NRXN3: variants seen among roughly 807,000 people sequenced by gnomAD.
The protein encoded by NRXN3 is neurexin III.
NRXN3 carries 32 observed loss-of-function variants against 137.6 expected under a neutral mutation model. That is an observed-to-expected ratio of 0.23 (90% CI 0.18 to 0.31). The LOEUF (loss-of-function observed/expected upper bound fraction) is 0.31. Ranked by LOEUF, NRXN3 falls within the 10% of genes least tolerant of loss-of-function variation. The probability of loss-of-function intolerance (pLI) is 1.00; values close to 1 mark genes in which losing one functional copy is unlikely to be tolerated. For synonymous variants in NRXN3, 798 were observed against 784.5 expected (o/e 1.02, Z -0.29); for missense variants, 1,574 against 2,062.5 (o/e 0.76, Z 4.59).
intron 16 of NRXN3, among the ~76,000 whole-genome samples, chr14:79,482,492 T>A (rs1454204325): frequency 1.3e-5 from 2 of 152,228 alleles, no homozygotes; most frequent in Non-Finnish European, 2.9e-5. Flanking sequence ...CACTATAGTT[T>A]GTTTTCAACA....
At chr14:79,475,037 G>A (rs2096548001) in intron 16 of NRXN3, among the ~76,000 whole-genome samples, 1 of 152,034 alleles carries the variant, frequency 6.6e-6, no homozygotes, top group Non-Finnish European at 1.5e-5. Flanking sequence ...CGGGGATAGA[G>A]CCCCCACAAA....
chr14:79,121,388 G>A (rs991559011), intron 15 of NRXN3, among the ~76,000 whole-genome samples: 1 of 152,168 alleles, frequency 6.6e-6, no homozygotes, highest in Non-Finnish European at 1.5e-5. Context: ...AATAAGTGAG[G>A]AATGAAATTT....
chr14:79,844,819 T>A (rs1290974805), intron 20 of NRXN3, among the ~76,000 whole-genome samples: 1 of 152,330 alleles, frequency 6.6e-6, no homozygotes, highest in African/African-American at 2.4e-5. Flanking sequence ...CTAGAGAATC[T>A]GCCTGTTCTT....
chr14:79,358,603 G>GAAA (rs1227282327), intron 15 of NRXN3, among the ~76,000 whole-genome samples: 4 of 87,036 alleles, frequency 4.6e-5, no homozygotes, highest in Admixed American at 1.5e-4. Flanking sequence ...AAGAAAGAAA[G>GAAA]AAAGAGAAAG....
intron 16 of NRXN3, among the ~76,000 whole-genome samples, chr14:79,523,404 T>C (rs2097088547): frequency 6.6e-6 from 1 of 152,140 alleles, no homozygotes; most frequent in Non-Finnish European, 1.5e-5. Flanking sequence ...GCAAGCTTTG[T>C]TTTGAAGATG....
intron 19 of NRXN3, among the ~76,000 whole-genome samples, chr14:79,769,984 A>G (rs2099071315): frequency 6.6e-6 from 1 of 152,156 alleles, no homozygotes; most frequent in Non-Finnish European, 1.5e-5. Context: ...CTAGTCTCTG[A>G]TAAAAGAGAC....
intron 15 of NRXN3, among the ~76,000 whole-genome samples, chr14:79,225,638 A>G (rs1407604898): frequency 6.6e-6 from 1 of 152,138 alleles, no homozygotes; most frequent in Non-Finnish European, 1.5e-5. Flanking sequence ...ACCCCCTGAA[A>G]GACATCAACA....
intron 15 of NRXN3, among the ~76,000 whole-genome samples, chr14:79,400,319 A>G (rs2095157747): frequency 6.6e-6 from 1 of 152,152 alleles, no homozygotes; most frequent in Non-Finnish European, 1.5e-5. Flanking sequence ...AGGTCCGACC[A>G]TTGCTATATT....
At chr14:78,845,905 G>GGGGTGT (rs371226331) in intron 10 of NRXN3, among the ~76,000 whole-genome samples, 88 of 146,340 alleles carry the variant, frequency 6.0e-4, no homozygotes, top group African/African-American at 1.9e-3. Flanking sequence ...AGTATGTTGG[G>GGGGTGT]GTGTGTGTGT....
intron 15 of NRXN3, among the ~76,000 whole-genome samples, chr14:79,218,085 T>C (rs555094183): frequency 6.6e-6 from 1 of 152,342 alleles, no homozygotes; most frequent in African/African-American, 2.4e-5. Context: ...CATTGAACCA[T>C]TGAAATATTG....
At chr14:78,579,992 G>C (rs2096976987) in intron 4 of NRXN3, among the ~76,000 whole-genome samples, 1 of 152,104 alleles carries the variant, frequency 6.6e-6, no homozygotes, top group Admixed American at 6.5e-5. Flanking sequence ...TAGGCTTTTT[G>C]GGAGGATTAA....
At chr14:78,816,510 A>G (rs1237889203) in intron 10 of NRXN3, among the ~76,000 whole-genome samples, 2 of 152,164 alleles carry the variant, frequency 1.3e-5, no homozygotes, top group African/African-American at 4.8e-5. Context: ...TCCGTCTAAT[A>G]GCCACATAAC....
chr14:78,318,982 A>T (rs7153993), intron 4 of NRXN3, among the ~76,000 whole-genome samples: 43,628 of 152,044 alleles, frequency 0.29, 6,754 homozygotes, highest in African/African-American at 0.4. Context: ...GGAGCCTAAG[A>T]TTCTGCATTT....
intron 4 of NRXN3, among the ~76,000 whole-genome samples, chr14:78,601,131 T>G (rs2097198197): frequency 6.6e-6 from 1 of 152,230 alleles, no homozygotes; most frequent in Non-Finnish European, 1.5e-5. Flanking sequence ...GATACAGTTT[T>G]GCAGCTGAAT....
intron 15 of NRXN3, among the ~76,000 whole-genome samples, chr14:79,453,074 G>A (rs1395245866): frequency 6.6e-6 from 1 of 152,078 alleles, no homozygotes; most frequent in Non-Finnish European, 1.5e-5. Context: ...GACTATCTTT[G>A]TTTTAAGAAG....
At chr14:78,244,434 G>T (rs1000520407) in intron 2 of NRXN3, among the ~76,000 whole-genome samples, 1 of 110,874 alleles carries the variant, frequency 9.0e-6, no homozygotes, top group Non-Finnish European at 1.9e-5. Flanking sequence ...TCTCAAAAAA[G>T]AAAAAAAAAA....
chr14:79,468,273 A>T (rs2096456364), intron 16 of NRXN3, among the ~76,000 whole-genome samples: 1 of 152,222 alleles, frequency 6.6e-6, no homozygotes, highest in Non-Finnish European at 1.5e-5. Context: ...TACAGCAACA[A>T]TTAACCCATT....
At chr14:78,240,234 T>G (rs767689075) in intron 1 of NRXN3, among the ~76,000 whole-genome samples, 1 of 152,202 alleles carries the variant, frequency 6.6e-6, no homozygotes, top group Non-Finnish European at 1.5e-5. Context: ...GGGGTACCTG[T>G]GTGTATGGTA....
intron 1 of NRXN3, among the ~76,000 whole-genome samples, chr14:78,215,132 C>T (rs962657803): frequency 2.0e-5 from 3 of 152,176 alleles, no homozygotes; most frequent in Non-Finnish European, 2.9e-5. Context: ...GAAGCCTAAA[C>T]CCACTGGAGA....
Sources: allele counts gnomAD v4.1 joint callset (sites outside exome capture counted in the v4.1 genomes callset), GRCh38; gene constraint gnomAD v4.1.1; transcripts MANE v1.5; gene names NCBI Gene and HGNC (gene_info 2026-07-23, HGNC 2026-07-21).